PCDHGB4: variants seen among roughly 807,000 people sequenced by gnomAD.
PCDHGB4 encodes protocadherin gamma-B4.
A neutral mutation model predicts 60.5 loss-of-function variants in PCDHGB4; 38 were observed. The ratio of observed to expected loss-of-function variants is 0.63; its 90% confidence interval spans 0.48 to 0.82. The LOEUF (loss-of-function observed/expected upper bound fraction) is 0.82. PCDHGB4 is among the 40% of genes least tolerant of loss of function. The pLI is 0.00. For synonymous variants in PCDHGB4, 456 were observed against 509.7 expected (o/e 0.89, Z 1.42); for missense variants, 1,109 against 1,209.6 (o/e 0.92, Z 1.23).
chr5:141,422,450 G>C (rs748354292), intron 1 of PCDHGB4: 71 of 1,611,564 alleles, frequency 4.4e-5, no homozygotes, highest in Non-Finnish European at 5.9e-5. Flanking sequence ...TTGATAACAA[G>C]CAGAGTGCTG....
Position 141,413,600 on chromosome 5 carries a change from T to A in PCDHGB4, c.2397+23319T>A, listed in dbSNP as rs767830855. ...GCTCCAAAATTCCAAGCAGAAAATC[T>A]AGACGTAAAAATTAATGAAAATGTC... On this transcript the variant is annotated intron_variant, in intron 1 of 3. Transcript: ENST00000519479. 2.4e-5 allele frequency: 39 copies of A among 1,613,750 alleles called. No homozygotes were observed. Among genetic ancestry groups the A allele is most frequent in the Non-Finnish European group, 3.3e-5 (39 of 1,179,908 alleles).
In PCDHGB4 at chr5:141,415,612, G is replaced by A. The variant is rs745660439; in HGVS notation, c.2397+25331G>A. 12 of 1,612,854 alleles carry A rather than the reference G, an allele frequency of 7.4e-6. No homozygotes were observed. The South Asian group carries it at 1.2e-4, about 16-fold the overall frequency. ...TATAGAGGATACCCCATTGGTTCCA[G>A]TGAGTTTTATTTTCATTTTTACTTT... On this transcript the variant is annotated intron_variant, in intron 1 of 3. Transcript: ENST00000519479.
intron 1 of PCDHGB4, chr5:141,402,830 G>A: frequency 7.4e-7 from 1 of 1,346,490 alleles, no homozygotes; most frequent in Non-Finnish European, 9.8e-7. Flanking sequence ...CTCCCAGGCT[G>A]CAGCAAAACT....
rs776773140 is a variant in PCDHGB4, at chr5:141,476,589, G to T, written c.2398-18218G>T. The T allele has an allele frequency of 6.2e-7, 1 of 1,614,246 alleles. No individual in the cohort carries two copies. Among genetic ancestry groups the T allele is most frequent in the South Asian group, 1.1e-5 (1 of 91,090 alleles). On this transcript the variant is annotated intron_variant, in intron 1 of 3. Coordinates refer to ENST00000519479, the MANE Select transcript of PCDHGB4 (RefSeq NM_003736.4). This position sits in a 1 kb window ranked among gnomAD's most constrained non-coding sequence, Gnocchi z 7.6. ...CCGGGGACGCGCTTTCCGCTCGAGA[G>T]CGCGCACGATCCCGATGTGGGAAGC...
intron 1 of PCDHGB4, chr5:141,421,801 A>G (rs754191783): frequency 6.2e-7 from 1 of 1,613,858 alleles, no homozygotes; most frequent in Middle Eastern, 1.6e-4. Flanking sequence ...TGGGGCCAAG[A>G]ATCCAGAGCT....
In PCDHGB4 at chr5:141,389,112, C is replaced by A. The variant is rs376966829; in HGVS notation, c.1228C>A (p.Arg410Ser). ...YKLVTDAVLD[R>S]EQNPEYNITV... ...ATTAGTGACAGATGCTGTTCTAGAC[C>A]GCGAGCAGAATCCAGAGTACAATAT... is the stretch of plus-strand genomic sequence containing the variant. Residue 410 changes from arginine (R) to serine (S), a missense_variant, in exon 1 of 4, where the codon CGC (arginine) becomes AGC (serine). Arg to Ser is a moderately radical substitution (Grantham distance 110). Transcript: ENST00000519479. 25 of 1,613,966 alleles carry A rather than the reference C, an allele frequency of 1.5e-5. No homozygotes were observed. Among genetic ancestry groups the A allele is most frequent in the Non-Finnish European group, 2.0e-5 (24 of 1,179,872 alleles).
chr5:141,492,880 T>C (rs1204475362), intron 1 of PCDHGB4, among the ~76,000 whole-genome samples: 2 of 152,184 alleles, frequency 1.3e-5, no homozygotes, highest in African/African-American at 4.8e-5. Context: ...CCCCCAGAGA[T>C]ACAGGCTTTT....
chr5:141,467,015 T>C (rs1423064392), intron 1 of PCDHGB4, among the ~76,000 whole-genome samples: 1 of 152,072 alleles, frequency 6.6e-6, no homozygotes. Flanking sequence ...GCAATTTTTT[T>C]CCCTTTGTTT....
chr5:141,480,719 A>G (rs1455113968), intron 1 of PCDHGB4, among the ~76,000 whole-genome samples: 1 of 152,194 alleles, frequency 6.6e-6, no homozygotes, highest in Non-Finnish European at 1.5e-5. Flanking sequence ...ATGAAAGCAC[A>G]GTCTCTGGGG....
chr5:141,498,940 A>G (rs527366029), intron 2 of PCDHGB4, among the ~76,000 whole-genome samples: 57 of 140,142 alleles, frequency 4.1e-4, no homozygotes, highest in Non-Finnish European at 7.3e-4. Flanking sequence ...CAGGAAAGAA[A>G]GAAAGAAAAA....
At chr5:141,420,391 G>C in intron 1 of PCDHGB4, 1 of 1,270,636 alleles carries the variant, frequency 7.9e-7, no homozygotes, top group Non-Finnish European at 1.0e-6. Flanking sequence ...GCAAAATATA[G>C]GTCAAATTTA....
chr5:141,403,137 G>C (rs2094359580), intron 1 of PCDHGB4: 1 of 1,614,038 alleles, frequency 6.2e-7, no homozygotes, highest in Non-Finnish European at 8.5e-7. Flanking sequence ...CTGGCGGAGC[G>C]CCGAGTCCGC....
At chr5:141,404,387 C>G in intron 1 of PCDHGB4, 3 of 1,613,874 alleles carry the variant, frequency 1.9e-6, no homozygotes, top group Non-Finnish European at 2.5e-6. Context: ...TGCCTATGAC[C>G]CTGATAGCAA....
rs149553852 is a variant in PCDHGB4 at position 141,415,009 on chromosome 5, C to G, written c.2397+24728C>G. 3.1e-6 allele frequency: 5 copies of G among 1,613,544 alleles called. No homozygotes were observed. The East Asian group carries it at 1.1e-4, about 36-fold the overall frequency. On this transcript the variant is annotated intron_variant, in intron 1 of 3. Transcript: ENST00000519479. The stretch of plus-strand genomic sequence containing the variant: ...CCAGAACGCCTGGCTGTCCTACCGT[C>G]TGCTCAAGGCCAGCGAGCCGGGACT...
At chr5:141,435,008 A>G (rs961813777) in intron 1 of PCDHGB4, among the ~76,000 whole-genome samples, 3 of 152,130 alleles carry the variant, frequency 2.0e-5, no homozygotes, top group African/African-American at 7.2e-5. Context: ...GAATTTATCA[A>G]TGATAATGCT....
chr5:141,468,464 TC>T (rs2099167734), intron 1 of PCDHGB4: 2 of 152,174 alleles, frequency 1.3e-5, no homozygotes, highest in Admixed American at 1.3e-4. Flanking sequence ...GCAAGTTATT[TC>T]TGAGGAGAAT....
chr5:141,426,307 A>G (rs958090236), intron 1 of PCDHGB4: 2 of 172,782 alleles, frequency 1.2e-5, no homozygotes, highest in African/African-American at 4.7e-5. Context: ...GGTGAAGCAG[A>G]GAAGCAGGAC....
At position 141,405,272 on chromosome 5, in the gene PCDHGB4, A is replaced by G. The variant is rs551265067; in HGVS notation, c.2397+14991A>G. The G allele has an allele frequency of 9.3e-6, 15 of 1,614,170 alleles. No individual in the cohort carries two copies. In the South Asian group the frequency reaches 1.6e-4, roughly 18 times the overall value. On this transcript the variant is annotated intron_variant, in intron 1 of 3. Transcript: ENST00000519479. ...GAGTCACCTGATCTTCCCCCAGCCC[A>G]ACTATGCAGACACACTCATCAGCCA...
intron 3 of PCDHGB4, chr5:141,507,274 C>T (rs1000866082): frequency 1.3e-5 from 2 of 151,532 alleles, no homozygotes; most frequent in Non-Finnish European, 2.9e-5. Context: ...ACTATTTCAG[C>T]ATAAGTCAGT....
Sources: gnomAD v4.1 joint callset for allele counts (sites outside exome capture counted in the v4.1 genomes callset) on GRCh38, gnomAD v4.1.1 for gene constraint, Gnocchi (gnomAD v3.1) non-coding constraint, MANE v1.5 for transcripts, NCBI Gene and HGNC (gene_info 2026-07-23, HGNC 2026-07-21) for gene names.